Variants in EMSY observed in about 807,000 individuals in gnomAD.
EMSY encodes BRCA2-interacting transcriptional repressor EMSY.
Under a neutral mutation model 134.6 loss-of-function variants are expected in EMSY, and 26 were observed. The observed-to-expected ratio is 0.19, with a 90% CI of 0.14 to 0.27. EMSY has a LOEUF of 0.27. EMSY is among the 10% of genes least tolerant of loss of function. The pLI is 1.00. For missense variants in EMSY, 1,305 were observed against 1,611.4 expected (o/e 0.81, Z 3.26); for synonymous variants, 579 against 577.8 (o/e 1.00, Z -0.03).
chr11:76,516,387 G>A lies in EMSY; in HGVS notation c.1684+75G>A, dbSNP rs1426085282. The A allele has an allele frequency of 3.6e-6, 4 of 1,113,578 alleles. No individual in the cohort carries two copies. In the East Asian group the frequency reaches 7.9e-5, roughly 22 times the overall value. The allele number at this position is 1,113,578 out of a possible 1,614,324, so 69.0% of individuals were successfully genotyped here. A position where few individuals can be genotyped will look rare whatever the true frequency, so the allele number is the denominator to read the frequency against. On this transcript the variant is annotated intron_variant, in intron 11 of 20. Transcript: ENST00000334736. ...GAAAAAAAAAACTTACTTCATTGAA[G>A]GATTATATTTGATCTCAATTTTTTG...
intron 4 of EMSY, among the ~76,000 whole-genome samples, 197 bp from the exon 6 acceptor site, chr11:76,457,986 G>A (rs1295147835): frequency 6.6e-6 from 1 of 152,182 alleles, no homozygotes; most frequent in African/African-American, 2.4e-5. Context: ...AGAATAAACT[G>A]TGTAAGAACC....
At chr11:76,519,061 A>G (rs930797686) in intron 11 of EMSY, among the ~76,000 whole-genome samples, 2 of 150,094 alleles carry the variant, frequency 1.3e-5, no homozygotes, top group South Asian at 4.2e-4. Context: ...TAGTTGATTC[A>G]TATCTTTTTT....
At chr11:76,537,840 T>G in exon 16 of EMSY, 1 of 1,613,302 alleles carries the variant, frequency 6.2e-7, no homozygotes, top group Non-Finnish European at 8.5e-7. Flanking sequence ...ACTATTGACC[T>G]GAGTCAAATG....
intron 15 of EMSY, among the ~76,000 whole-genome samples, chr11:76,537,570 G>A (rs1951270042): frequency 6.6e-6 from 1 of 152,170 alleles, no homozygotes; most frequent in South Asian, 2.1e-4. Context: ...TGATTTTTGT[G>A]TTATTGTATG....
At position 76,468,794 on chromosome 11, in the gene EMSY, G is replaced by A. The variant is rs140602315; in HGVS notation, c.832-3770G>A. Among the ~76,000 whole-genome samples, 475 of 152,226 alleles carry A rather than the reference G, an allele frequency of 3.1e-3. 1 individual carries two copies. Among genetic ancestry groups the A allele is most frequent in the African/African-American group, 0.011 (458 of 41,526 alleles). On this transcript the variant is annotated intron_variant, in intron 7 of 20. Coordinates refer to ENST00000334736, the Ensembl canonical transcript of EMSY. ...GATGCAGCACTTATATATCAGAGCA[G>A]CAGAATTTAGCTTTATGCCTTCATG...
chr11:76,545,967 C>A (rs772370219), exon 20 of EMSY: 1 of 1,614,116 alleles, frequency 6.2e-7, no homozygotes, highest in East Asian at 2.2e-5. Flanking sequence ...CAGTGTCTGA[C>A]ATTTTGAAAA....
intron 7 of EMSY, among the ~76,000 whole-genome samples, chr11:76,467,786 G>A (rs917156925): frequency 1.3e-5 from 2 of 152,076 alleles, no homozygotes; most frequent in African/African-American, 4.8e-5. Flanking sequence ...GAGGGTAGGA[G>A]TTCTGAGACC....
intron 8 of EMSY, among the ~76,000 whole-genome samples, chr11:76,473,828 A>G (rs942033569): frequency 3.3e-5 from 5 of 152,022 alleles, no homozygotes; most frequent in African/African-American, 9.7e-5. Flanking sequence ...CCCTGTCTCT[A>G]CTAAAAAAAT....
At chr11:76,452,534 T>G (rs1300907693) in intron 3 of EMSY, among the ~76,000 whole-genome samples, 1 of 152,196 alleles carries the variant, frequency 6.6e-6, no homozygotes, top group Non-Finnish European at 1.5e-5. Flanking sequence ...TTCTCATAAA[T>G]TCTGTTTTGT....
At chr11:76,504,619 GT>G (rs1308635189) in intron 9 of EMSY, among the ~76,000 whole-genome samples, 3 of 152,114 alleles carry the variant, frequency 2.0e-5, no homozygotes, top group Non-Finnish European at 2.9e-5. Context: ...AAACACGTCA[GT>G]TTATCAAACA....
chr11:76,549,334 CAA>C (rs1271333886), intron 20 of EMSY, among the ~76,000 whole-genome samples: 1 of 152,078 alleles, frequency 6.6e-6, no homozygotes, highest in Non-Finnish European at 1.5e-5. Flanking sequence ...GGGTTTTAAA[CAA>C]GAGTATGACA....
Position 76,539,817 on chromosome 11 carries a change from G to A in EMSY, c.2557+177G>A, listed in dbSNP as rs541386158. Among the ~76,000 whole-genome samples, 5 of 152,294 alleles carry A rather than the reference G, an allele frequency of 3.3e-5. No homozygotes were observed. In the South Asian group the frequency reaches 1.0e-3, roughly 32 times the overall value. On this transcript the variant is annotated intron_variant, in intron 17 of 20. Coordinates refer to ENST00000334736, the Ensembl canonical transcript of EMSY. ...TAGTGGAATTCTTTCTCAGAAATGA[G>A]CATTTTGACAGTGGAAAAAAGAGTT...
intron 6 of EMSY, among the ~76,000 whole-genome samples, chr11:76,462,634 T>A (rs1948171822): frequency 6.6e-6 from 1 of 152,136 alleles, no homozygotes; most frequent in African/African-American, 2.4e-5. Context: ...GTCATTGATG[T>A]TAGGTGGTAT....
intron 10 of EMSY, among the ~76,000 whole-genome samples, chr11:76,513,887 G>A (rs769750488): frequency 1.3e-5 from 2 of 152,092 alleles, no homozygotes; most frequent in Non-Finnish European, 2.9e-5. Context: ...CTGTAAGTAG[G>A]TGCTCAGTCA....
rs539365530 is a variant in EMSY, at chr11:76,528,590, T to C, written c.2194+124T>C. 6.3e-4 allele frequency: 392 copies of C among 621,268 alleles called. 1 individual carries two copies. The highest frequency in any genetic ancestry group is 9.3e-4 in the Middle Eastern group (2 of 2,144). The allele number at this position is 621,268 out of a possible 1,614,324, so 38.5% of individuals were successfully genotyped here. A position where few individuals can be genotyped will look rare whatever the true frequency, so the allele number is the denominator to read the frequency against. ...ATGCTCTATCAATTCTTTTCCTTTT[T>C]TTTTTTTTTTTTTATTGTTTGATGT... On this transcript the variant is annotated intron_variant, in intron 14 of 20. Transcript: ENST00000334736.
chr11:76,533,579 G>A (rs192534261), intron 14 of EMSY, among the ~76,000 whole-genome samples: 7 of 152,174 alleles, frequency 4.6e-5, no homozygotes, highest in East Asian at 3.9e-4. Context: ...CCCTTCTAAC[G>A]GAAAAGTCTT....
At chr11:76,446,761 TGTG>T in intron 1 of EMSY, 136 bp from the exon 2 acceptor site, 2 of 551,898 alleles carry the variant, frequency 3.6e-6, no homozygotes, top group South Asian at 2.4e-5. Context: ...AGTTGGAAAG[TGTG>T]GTGGTGAGAA....
At chr11:76,477,221 C>G (rs897124689) in intron 8 of EMSY, among the ~76,000 whole-genome samples, 4 of 149,552 alleles carry the variant, frequency 2.7e-5, no homozygotes, top group Non-Finnish European at 5.9e-5. Flanking sequence ...TTAAAAGTCA[C>G]GTGAAATTCT....
At chr11:76,448,611 T>A (rs1380094304) in intron 2 of EMSY, among the ~76,000 whole-genome samples, 1 of 151,836 alleles carries the variant, frequency 6.6e-6, no homozygotes, top group African/African-American at 2.4e-5. Context: ...TGCTGCAGAG[T>A]GCTTCTATAT....
Sources: gnomAD v4.1 joint callset for allele counts (sites outside exome capture counted in the v4.1 genomes callset) on GRCh38, gnomAD v4.1.1 for gene constraint, MANE v1.5 for transcripts, NCBI Gene and HGNC (gene_info 2026-07-23, HGNC 2026-07-21) for gene names.